The following APPL2 variants were observed in gnomAD, a reference collection of about 807,000 sequenced individuals.
APPL2 encodes adaptor protein, phosphotyrosine interacting with PH domain and leucine zipper 2.
Under a neutral mutation model 92.7 loss-of-function variants are expected in APPL2, and 84 were observed. The ratio of observed to expected loss-of-function variants is 0.91; its 90% confidence interval spans 0.76 to 1.09. The LOEUF is 1.09. Ranked by LOEUF, APPL2 falls within the 50% of genes least tolerant of loss-of-function variation. The pLI is 0.00. For synonymous variants in APPL2, 291 were observed against 291.0 expected, an observed-to-expected ratio of 1.00 and a Z score of 0.00; for missense variants, 736 against 824.5, an observed-to-expected ratio of 0.89 and a Z score of 1.31.
intron 11 of APPL2, among the ~76,000 whole-genome samples, chr12:105,196,063 A>AG (rs1887616525): frequency 1.3e-5 from 2 of 151,632 alleles, no homozygotes; most frequent in Admixed American, 6.6e-5. Flanking sequence ...TCAAACAAAA[A>AG]AAAAAAAAAG....
chr12:105,203,777 A>T lies in APPL2; in HGVS notation c.630T>A (p.Phe210Leu), dbSNP rs751899426. ...AAAACATCTCTGCTCCCTTCTTAAA[A>T]AAGTTAATCTGAAAGATATAATTAT... ...MIGFAHGQIN[F>L]FKKGAEMFSK... Residue 210 changes from phenylalanine (F) to leucine (L), a missense_variant, in exon 9 of 21, where the codon TTT becomes TTA. Phe to Leu is a conservative substitution (Grantham distance 22, BLOSUM62 0). Transcript: ENST00000258530. The T allele has an allele frequency of 6.2e-7, 1 of 1,612,542 alleles. No individual in the cohort carries two copies. The highest frequency in any genetic ancestry group is 8.5e-7 in the Non-Finnish European group (1 of 1,178,506).
intron 1 of APPL2, among the ~76,000 whole-genome samples, chr12:105,234,473 CACAA>C (rs1379696325): frequency 1.3e-5 from 2 of 152,202 alleles, no homozygotes; most frequent in African/African-American, 4.8e-5. Flanking sequence ...TTAAGCCACT[CACAA>C]ACAGTGTATA....
chr12:105,210,941 G>A (rs1889158920), intron 5 of APPL2, among the ~76,000 whole-genome samples: 1 of 152,116 alleles, frequency 6.6e-6, no homozygotes, highest in Non-Finnish European at 1.5e-5. Context: ...GCCGTCCCTA[G>A]CACGCCTTTC....
intron 17 of APPL2, among the ~76,000 whole-genome samples, chr12:105,185,277 C>T (rs918836413): frequency 8.5e-5 from 13 of 152,172 alleles, no homozygotes; most frequent in Admixed American, 4.6e-4. Flanking sequence ...AGTTGGGACT[C>T]GCTGAGGTTC....
chr12:105,175,997 T>G, intron 20 of APPL2, 38 bp downstream of exon 20: 1 of 1,529,902 alleles, frequency 6.5e-7, no homozygotes, highest in Non-Finnish European at 8.8e-7. Context: ...CAGATGTGTT[T>G]TGAGTAGCTA....
intron 2 of APPL2, among the ~76,000 whole-genome samples, chr12:105,218,860 T>TG (rs138357742): frequency 0.05 from 7,626 of 152,292 alleles, 635 homozygotes; most frequent in African/African-American, 0.17. Context: ...TGCGATGCCC[T>TG]GGGAGGCCTG....
chr12:105,176,506 T>C, intron 19 of APPL2: 1 of 420,660 alleles, frequency 2.4e-6, no homozygotes, highest in Admixed American at 4.0e-5. Flanking sequence ...TGTGTAACTT[T>C]TCTAATATCT....
Position 105,215,574 on chromosome 12 carries a change from T to C in APPL2, c.285+1495A>G, listed in dbSNP as rs762625001. ...AATAATGGCTTGTTGAACTGGTTTG[T>C]TGAATAAACGAAAATGCAATCAGTA... On this transcript the variant is annotated intron_variant, in intron 4 of 20. Transcript: ENST00000258530. Among the ~76,000 whole-genome samples the C allele has an allele frequency of 1.3e-4, 20 of 152,244 alleles. No individual in the cohort carries two copies. In the East Asian group the frequency reaches 1.3e-3, roughly 10 times the overall value.
At position 105,185,118 on chromosome 12, in the gene APPL2, C is replaced by T. The variant is rs372101588; in HGVS notation, c.1634+3155G>A. 3.9e-4 allele frequency among the ~76,000 whole-genome samples: 60 copies of T among 152,282 alleles called. No homozygotes were observed. In the East Asian group the frequency reaches 7.4e-3, roughly 19 times the overall value. ...GGATGCCCCTCCCCCCCACCAAGCTCGAGCATCCCTGGTCAACTTCAGACT... is the reference window on the plus strand; with the variant it reads ...GGATGCCCCTCCCCCCCACCAAGCTTGAGCATCCCTGGTCAACTTCAGACT... On this transcript the variant is annotated intron_variant, in intron 17 of 20. Transcript: ENST00000258530.
rs1887943837 is a variant in APPL2 at position 105,199,388 on chromosome 12, T to C, written c.848A>G (p.Tyr283Cys). The C allele has an allele frequency of 6.2e-7, 1 of 1,612,276 alleles. No homozygotes were observed. ...GCGTTCTCACTTTCTAAGATTAAGGTAACCAGCCTTCTGGATGAGGTTCCT... is the reference window on the plus strand; with the variant it reads ...GCGTTCTCACTTTCTAAGATTAAGGCAACCAGCCTTCTGGATGAGGTTCCT... ...INRNLIQKAG[Y>C]LNLRNKTGLV... The change falls in exon 10 of 21, where the codon TAC becomes TGC. Residue 283 changes from tyrosine (Y) to cysteine (C), a missense_variant. By Grantham distance (194) the Tyr-to-Cys change is radical (BLOSUM62 -2). Transcript: ENST00000258530.
At chr12:105,214,523 A>G (rs916995802) in intron 4 of APPL2, among the ~76,000 whole-genome samples, 1 of 152,272 alleles carries the variant, frequency 6.6e-6, no homozygotes, top group African/African-American at 2.4e-5. Flanking sequence ...CATCTGAGAG[A>G]GAGCCACGCA....
rs1019989078 is a variant in APPL2, at chr12:105,178,629, G to A, written c.1635-1367C>T. 5.9e-5 allele frequency among the ~76,000 whole-genome samples: 9 copies of A among 152,128 alleles called. No homozygotes were observed. The East Asian group carries it at 7.7e-4, about 13-fold the overall frequency. On this transcript the variant is annotated intron_variant, in intron 17 of 20. Coordinates refer to ENST00000258530, the MANE Select transcript of APPL2 (RefSeq NM_018171.5). Reference sequence around the variant, plus strand: ...CGTAAGACTTATAATCAGAGAACTCGAGATTGAGTTCTACCCTGGCTACTC... The same window carrying A: ...CGTAAGACTTATAATCAGAGAACTCAAGATTGAGTTCTACCCTGGCTACTC...
intron 14 of APPL2, among the ~76,000 whole-genome samples, chr12:105,191,545 A>AAGAT (rs1416662386): frequency 1.3e-5 from 2 of 152,158 alleles, no homozygotes; most frequent in African/African-American, 4.8e-5. Flanking sequence ...GATAACAATC[A>AAGAT]AGATAGGGTG....
At chr12:105,178,441 G>T (rs1592751084) in intron 17 of APPL2, among the ~76,000 whole-genome samples, 1 of 152,236 alleles carries the variant, frequency 6.6e-6, no homozygotes, top group East Asian at 1.9e-4. Context: ...TGAAAATGTT[G>T]TAAAATTGAT....
intron 8 of APPL2, 156 bp downstream of exon 8, chr12:105,206,905 C>T: frequency 1.1e-6 from 1 of 934,174 alleles, no homozygotes; most frequent in Non-Finnish European, 1.5e-6. Context: ...CCCAGCTCAA[C>T]TGGAAGCTGT....
At chr12:105,209,978 TGAGACGGAGTCTCGCTC>T (rs1336663068) in intron 5 of APPL2, among the ~76,000 whole-genome samples, 1 of 152,036 alleles carries the variant, frequency 6.6e-6, no homozygotes, top group Non-Finnish European at 1.5e-5. Context: ...TTTTTTTTTT[TGAGACGGAGTCTCGCTC>T]TGTCGCCTGG....
In APPL2 at chr12:105,176,909, T is replaced by G; in HGVS notation, c.1779A>C (p.Thr593=). 1 of 1,614,136 alleles carries G rather than the reference T, an allele frequency of 6.2e-7. No individual in the cohort carries two copies. Among genetic ancestry groups the G allele is most frequent in the African/African-American group, 1.3e-5 (1 of 75,058 alleles). ...CTTCTGAGTTGCTTTCAAAAATGTA[T>G]GTACTCAGAGATTCTTCTCCAGTGG... is the stretch of plus-strand genomic sequence containing the variant. The part of the protein sequence containing the change: ...PESTGEESLS[T]YIFESNSEGE... The change falls in exon 19 of 21, where the codon ACA becomes ACC. Residue 593 remains threonine, a synonymous_variant. Coordinates refer to ENST00000258530, the MANE Select transcript of APPL2 (RefSeq NM_018171.5).
chr12:105,223,413 T>C (rs1447601606), intron 2 of APPL2, among the ~76,000 whole-genome samples: 1 of 152,136 alleles, frequency 6.6e-6, no homozygotes, highest in Admixed American at 6.5e-5. Context: ...AAAGGAATTC[T>C]GCAGGACCCC....
intron 9 of APPL2, among the ~76,000 whole-genome samples, chr12:105,203,064 C>T (rs1229605481): frequency 8.1e-6 from 1 of 124,150 alleles, no homozygotes; most frequent in African/African-American, 3.1e-5. Context: ...CACACACACA[C>T]GGACCTATTT....
Sources: allele counts gnomAD v4.1 joint callset (sites outside exome capture counted in the v4.1 genomes callset), GRCh38; gene constraint gnomAD v4.1.1; transcripts MANE v1.5; gene names NCBI Gene and HGNC (gene_info 2026-07-23, HGNC 2026-07-21).